Variants in MGAM2 observed in about 807,000 individuals in gnomAD.
The protein encoded by MGAM2 is probable maltase-glucoamylase 2.
MGAM2 carries 98 observed loss-of-function variants against 96.1 expected under a neutral mutation model. The observed-to-expected ratio is 1.02, with a 90% CI of 0.87 to 1.21. The LOEUF is 1.21. Among genes scored for constraint, MGAM2 ranks in the 50% most tolerant of loss-of-function variants. The pLI is 0.00. For missense variants in MGAM2, 2,055 were observed against 1,182.4 expected (o/e 1.74, Z -10.82); for synonymous variants, 749 against 414.8 (o/e 1.81, Z -9.79).
At chr7:142,146,198 T>A (rs561724757) in intron 14 of MGAM2, among the ~76,000 whole-genome samples, 1 of 71,172 alleles carries the variant, frequency 1.4e-5, no homozygotes, top group East Asian at 4.6e-4. Context: ...AAAACTAAAT[T>A]TTGTTTTTGA....
Position 142,220,459 on chromosome 7 carries a change from C to A in MGAM2, c.5948C>A (p.Pro1983His). ...GCTACTATTCCTATCACAACCACAC[C>A]TTTTGCAACAAGTACTATTAGTGTT... Reference protein sequence around the residue: ...TNATIPITTTPFATSTISVTT... With the variant: ...TNATIPITTTHFATSTISVTT... The change falls in exon 48 of 48, where the codon CCT (proline) becomes CAT (histidine). Residue 1983 changes from proline to histidine, a missense_variant. By Grantham distance (77) the Pro-to-His change is moderately conservative. Transcript: ENST00000477922. 1.4e-6 allele frequency: 1 copy of A among 702,380 alleles called. No homozygotes were observed. Among genetic ancestry groups the A allele is most frequent in the Non-Finnish European group, 2.6e-6 (1 of 384,852 alleles). 43.5% of individuals were successfully genotyped at this position (702,380 alleles called of 1,614,324 possible).
chr7:142,152,810 C>T (rs1271224980), intron 15 of MGAM2, among the ~76,000 whole-genome samples: 1 of 151,766 alleles, frequency 6.6e-6, no homozygotes, highest in Non-Finnish European at 1.5e-5. Context: ...CTTTTTACCA[C>T]AGGGGGGAAA....
intron 20 of MGAM2, 142 bp downstream of exon 20, chr7:142,159,485 C>T: frequency 1.6e-6 from 1 of 607,358 alleles, no homozygotes; most frequent in Admixed American, 2.5e-5. Flanking sequence ...GTGAGAAAGG[C>T]ATCTTAGTTG....
rs527846461 is a variant in MGAM2, at chr7:142,221,657, A to G, written c.7146A>G (p.Thr2382=). ...TTACTTCCATAGACAAATTCACCACACACATCACACAGTTCGCTACTCCCC... is the reference window on the plus strand; with the variant it reads ...TTACTTCCATAGACAAATTCACCACGCACATCACACAGTTCGCTACTCCCC... The part of the protein sequence containing the change: ...TTVTSIDKFT[T]HITQFATPHS... The change falls in exon 48 of 48, where the codon ACA becomes ACG. Residue 2382 remains threonine (T), a synonymous_variant. Coordinates refer to ENST00000477922, the MANE Select transcript of MGAM2 (RefSeq NM_001293626.2). 68 of 451,310 alleles carry G rather than the reference A, an allele frequency of 1.5e-4. No homozygotes were observed. The East Asian group carries it at 2.1e-3, about 14-fold the overall frequency. The allele number at this position is 451,310 out of a possible 1,614,324, so 28.0% of individuals were successfully genotyped here.
At position 142,189,374 on chromosome 7, in the gene MGAM2, A is replaced by T; in HGVS notation, c.4215A>T (p.Glu1405Asp). 1.4e-6 allele frequency: 1 copy of T among 696,466 alleles called. No individual in the cohort carries two copies. The highest frequency in any genetic ancestry group is 2.6e-6 in the Non-Finnish European group (1 of 381,172). The allele number at this position is 696,466 out of a possible 1,614,324, so 43.1% of individuals were successfully genotyped here. ...LNNPPYMPYLESRDKGLSSKT... is the reference protein window; with the variant it reads ...LNNPPYMPYLDSRDKGLSSKT... ...CTCAACATTTCCCCTCAGATTTGGA[A>T]TCTAGGGACAAGGGCCTGAGCAGCA... The change falls in exon 37 of 48, where the codon GAA (glutamate) becomes GAT (aspartate). Residue 1405 changes from glutamate (E) to aspartate (D), a missense_variant. Coordinates refer to ENST00000477922, the MANE Select transcript of MGAM2 (RefSeq NM_001293626.2).
intron 3 of MGAM2, among the ~76,000 whole-genome samples, chr7:142,128,454 T>C (rs1476998242): frequency 6.6e-6 from 1 of 152,084 alleles, no homozygotes; most frequent in Non-Finnish European, 1.5e-5. Flanking sequence ...ACGGGAAAAA[T>C]GGCTCCAGGG....
Position 142,197,444 on chromosome 7 carries a change from C to T in MGAM2, c.4677C>T (p.Ser1559=), listed in dbSNP as rs759655084. 11 of 702,794 alleles carry T rather than the reference C, an allele frequency of 1.6e-5. 1 individual carries two copies. The highest frequency in any genetic ancestry group is 2.3e-4 in the Middle Eastern group (1 of 4,392). The allele number at this position is 702,794 out of a possible 1,614,324, so 43.5% of individuals were successfully genotyped here. A position where few individuals can be genotyped will look rare whatever the true frequency, so the allele number is the denominator to read the frequency against. ...GGAATTCAACCTTTGAGATGTTGTC[C>T]AGAAAAGTCCTAGAGACCAGATATA... ...VAWNSTFEML[S]RKVLETRYTL... is the part of the protein sequence containing the mutation. The change falls in exon 41 of 48, where the codon TCC becomes TCT. Residue 1559 remains serine, a synonymous_variant. Coordinates refer to ENST00000477922, the MANE Select transcript of MGAM2 (RefSeq NM_001293626.2).
chr7:142,199,033 A>C (rs1027609538), intron 44 of MGAM2, among the ~76,000 whole-genome samples: 2 of 152,194 alleles, frequency 1.3e-5, no homozygotes, highest in Non-Finnish European at 2.9e-5. Context: ...GTTAAAAAGG[A>C]ATAGGGAATG....
At chr7:142,154,989 G>T in intron 17 of MGAM2, 144 bp downstream of exon 17, 2 of 611,064 alleles carry the variant, frequency 3.3e-6, no homozygotes, top group South Asian at 3.8e-5. Context: ...GCCTTAAAAA[G>T]CAGGGTATCA....
In MGAM2 at chr7:142,158,310, T is replaced by C. The variant is rs867479636; in HGVS notation, c.2141T>C (p.Leu714Pro). ...HEQFLWGPGL[L>P]ITPVLYEGVD... ...CAGTTCTTATGGGGACCTGGACTCCTCATCACGCCTGTTTTATATGAAGTA... is the reference window on the plus strand; with the variant it reads ...CAGTTCTTATGGGGACCTGGACTCCCCATCACGCCTGTTTTATATGAAGTA... The change falls in exon 19 of 48, where the codon CTC (leucine) becomes CCC (proline). Residue 714 changes from leucine (L) to proline (P), a missense_variant. Leu to Pro is a moderately conservative substitution (Grantham distance 98, BLOSUM62 -3). Coordinates refer to ENST00000477922, the MANE Select transcript of MGAM2 (RefSeq NM_001293626.2). The C allele has an allele frequency of 1.4e-6, 1 of 703,020 alleles. No homozygotes were observed. Among genetic ancestry groups the C allele is most frequent in the South Asian group, 1.5e-5 (1 of 67,602 alleles). 43.5% of individuals were successfully genotyped at this position (703,020 alleles called of 1,614,324 possible).
rs574619454 is a variant in MGAM2, at chr7:142,117,941, CT to C, written c.106+964del. ...GTTCTGCTTTCAACTGTTTTTTTTT[CT>C]TCTGTTTTTTTTTTGAAGATGTATT... On this transcript the variant is annotated intron_variant, in intron 2 of 47. Transcript: ENST00000477922. 4.8e-3 allele frequency among the ~76,000 whole-genome samples: 714 copies of C among 149,710 alleles called. 5 individuals carry two copies. The highest frequency in any genetic ancestry group is 0.017 in the African/African-American group (679 of 40,504).
chr7:142,221,642 A>G lies in MGAM2; in HGVS notation c.7131A>G (p.Ile2377Met). ...GTCCAGATACAACAGTTACTTCCAT[A>G]GACAAATTCACCACACACATCACAC... ...TMSPDTTVTS[I>M]DKFTTHITQF... The change falls in exon 48 of 48, where the codon ATA (isoleucine) becomes ATG (methionine). Residue 2377 changes from isoleucine (I) to methionine (M), a missense_variant. By Grantham distance (10) the Ile-to-Met change is conservative. Coordinates refer to ENST00000477922, the MANE Select transcript of MGAM2 (RefSeq NM_001293626.2). 1 of 459,922 alleles carries G rather than the reference A, an allele frequency of 2.2e-6. No individual in the cohort carries two copies. Among genetic ancestry groups the G allele is most frequent in the Non-Finnish European group, 3.8e-6 (1 of 262,958 alleles). 28.5% of individuals were successfully genotyped at this position (459,922 alleles called of 1,614,324 possible).
intron 2 of MGAM2, among the ~76,000 whole-genome samples, chr7:142,117,534 A>C (rs911930817): frequency 6.6e-6 from 1 of 152,160 alleles, no homozygotes; most frequent in African/African-American, 2.4e-5. Flanking sequence ...TGTGTAGTTC[A>C]AAAATGTATT....
intron 37 of MGAM2, among the ~76,000 whole-genome samples, chr7:142,195,692 T>C (rs1193642158): frequency 2.0e-5 from 3 of 152,112 alleles, no homozygotes; most frequent in Non-Finnish European, 2.9e-5. Context: ...GTAAGCATTT[T>C]AAAGATCATC....
chr7:142,187,987 G>A (rs900054283), intron 36 of MGAM2, among the ~76,000 whole-genome samples, 153 bp downstream of exon 36: 1 of 152,064 alleles, frequency 6.6e-6, no homozygotes, highest in African/African-American at 2.4e-5. Context: ...AATAAGTGCA[G>A]CTAAACTAAT....
At chr7:142,122,543 A>G (rs1419506906) in intron 3 of MGAM2, among the ~76,000 whole-genome samples, 2 of 152,242 alleles carry the variant, frequency 1.3e-5, no homozygotes, top group Non-Finnish European at 2.9e-5. Context: ...ACCCCTTAAC[A>G]GGTAATCACT....
rs1370291719 is a variant in MGAM2, at chr7:142,120,394, A to T, written c.186+13A>T. On this transcript the variant is annotated intron_variant, in intron 3 of 47. Transcript: ENST00000477922. ...GGAGGTGACCGAGGTCAGAGAAATA[A>T]GGTCCCTTTTGGTGGCCTACAGGGT... 4.3e-6 allele frequency: 3 copies of T among 702,474 alleles called. No individual in the cohort carries two copies. The highest frequency in any genetic ancestry group is 7.8e-6 in the Non-Finnish European group (3 of 384,754). The allele number at this position is 702,474 out of a possible 1,614,324, so 43.5% of individuals were successfully genotyped here. A position where few individuals can be genotyped will look rare whatever the true frequency, so the allele number is the denominator to read the frequency against.
Position 142,183,950 on chromosome 7 carries a change from C to CTTTTTTTTTTTTTTTTTTTT in MGAM2, c.3924+598_3924+617dup, listed in dbSNP as rs748299647. ...ACTGCTCTGGATGTATTCCAGGCTCCTTTTTTTTTTTTTTTTTTTTTTTTT... is the reference window on the plus strand; with the variant it reads ...ACTGCTCTGGATGTATTCCAGGCTCCTTTTTTTTTTTTTTTTTTTTTTTTTTTTTTTTTTTTTTTTTTTTT... On this transcript the variant is annotated intron_variant, in intron 33 of 47. Coordinates refer to ENST00000477922, the MANE Select transcript of MGAM2 (RefSeq NM_001293626.2). 4.3e-5 allele frequency among the ~76,000 whole-genome samples: 2 copies of CTTTTTTTTTTTTTTTTTTTT among 46,112 alleles called. 1 individual carries two copies. The highest frequency in any genetic ancestry group is 1.1e-4 in the African/African-American group (2 of 17,772). 30.3% of individuals were successfully genotyped at this position (46,112 alleles called of 152,430 possible). A position where few individuals can be genotyped will look rare whatever the true frequency, so the allele number is the denominator to read the frequency against.
At position 142,221,625 on chromosome 7, in the gene MGAM2, A is replaced by T. The variant is rs1585234316; in HGVS notation, c.7114A>T (p.Thr2372Ser). 4 of 471,770 alleles carry T rather than the reference A, an allele frequency of 8.5e-6. No individual in the cohort carries two copies. The East Asian group carries it at 9.3e-5, about 11-fold the overall frequency. 29.2% of individuals were successfully genotyped at this position (471,770 alleles called of 1,614,324 possible). A position where few individuals can be genotyped will look rare whatever the true frequency, so the allele number is the denominator to read the frequency against. The change falls in exon 48 of 48, where the codon ACA becomes TCA. Residue 2372 changes from threonine (T) to serine (S), a missense_variant. Transcript: ENST00000477922. ...STKDNTMSPD[T>S]TVTSIDKFTT... ...CAAAGATAATACCATGAGTCCAGATACAACAGTTACTTCCATAGACAAATT... is the reference window on the plus strand; with the variant it reads ...CAAAGATAATACCATGAGTCCAGATTCAACAGTTACTTCCATAGACAAATT...
Sources: allele counts gnomAD v4.1 joint callset (sites outside exome capture counted in the v4.1 genomes callset), GRCh38; gene constraint gnomAD v4.1.1; transcripts MANE v1.5; gene names NCBI Gene and HGNC (gene_info 2026-07-23, HGNC 2026-07-21).